The following SUMF2 variants were observed in gnomAD, a reference collection of about 807,000 sequenced individuals.
SUMF2 encodes the protein sulfatase modifying factor 2, also known as inactive C-alpha-formylglycine-generating enzyme 2.
A neutral mutation model predicts 44.8 loss-of-function variants in SUMF2; 45 were observed. The ratio of observed to expected loss-of-function variants is 1.00; its 90% CI spans 0.79 to 1.29. The LOEUF (loss-of-function observed/expected upper bound fraction) is 1.29. Ranked by LOEUF, SUMF2 falls within the 50% of genes most tolerant of loss-of-function variation. The pLI, the probability that SUMF2 is intolerant of heterozygous loss-of-function variation, is 0.00. For missense variants in SUMF2, 418 were observed against 389.9 expected (o/e 1.07, Z -0.61); for synonymous variants, 148 against 150.4 (o/e 0.98, Z 0.12).
intron 6 of SUMF2, among the ~76,000 whole-genome samples, chr7:56,077,133 G>A (rs1471318720): frequency 6.7e-6 from 1 of 148,188 alleles, no homozygotes; most frequent in Non-Finnish European, 1.5e-5. Context: ...TGCAACCTCC[G>A]CCTCCCAGGT....
At chr7:56,073,160 C>A in intron 3 of SUMF2, 49 bp downstream of exon 3, 3 of 1,454,844 alleles carry the variant, frequency 2.1e-6, no homozygotes, top group Non-Finnish European at 2.9e-6. Flanking sequence ...GGGACCTGGA[C>A]AGGGAATCCT....
At chr7:56,081,604 C>T (rs114441596), downstream of SUMF2, 2,013 of 1,610,012 alleles carry the variant, frequency 1.3e-3, 24 homozygotes, top group African/African-American at 0.023. This position sits in a 1 kb window ranked among gnomAD's most constrained non-coding sequence, Gnocchi z 4.6. Context: ...AGGGAGCTGG[C>T]GGGCCTGGAT....
chr7:56,083,083 G>T (rs1195729451), downstream of SUMF2: 2 of 533,210 alleles, frequency 3.8e-6, no homozygotes, highest in Non-Finnish European at 6.6e-6. Flanking sequence ...TCCAGCCTGG[G>T]CGACAGAGTG....
the SUMF2 span, chr7:56,086,760 T>G: frequency 1.8e-6 from 1 of 568,094 alleles, no homozygotes; most frequent in Non-Finnish European, 3.2e-6. Flanking sequence ...AAACCAAGAT[T>G]TAAAGAAATG....
downstream of SUMF2, chr7:56,083,346 T>C (rs775962676): frequency 1.2e-6 from 2 of 1,614,034 alleles, no homozygotes; most frequent in African/African-American, 2.7e-5. Context: ...GTTCATGTTG[T>C]CATCCAAGAG....
At chr7:56,079,424 C>G (rs2117509512) in intron 8 of SUMF2, 104 bp from the exon 9 acceptor site, 1 of 1,174,312 alleles carries the variant, frequency 8.5e-7, no homozygotes, top group East Asian at 2.3e-5. Context: ...AGCCCTCATG[C>G]TCCCTGATCA....
chr7:56,082,307 TC>T, downstream of SUMF2: 1 of 1,434,436 alleles, frequency 7.0e-7, no homozygotes, highest in Non-Finnish European at 9.7e-7. Flanking sequence ...GAAGAGGAAG[TC>T]CAGGCTGGCC....
At chr7:56,083,157 T>A, downstream of SUMF2, 3 of 805,484 alleles carry the variant, frequency 3.7e-6, no homozygotes, top group Non-Finnish European at 5.7e-6. Context: ...GCCCTTGAAA[T>A]GGTGGAATTT....
rs781219463 is a variant in SUMF2 at position 56,074,650 on chromosome 7, A to C, written c.449A>C (p.Asn150Thr). The C allele has an allele frequency of 5.6e-6, 9 of 1,614,188 alleles. No homozygotes were observed. In the South Asian group the frequency reaches 9.9e-5, roughly 18 times the overall value. ...CACCCAGTGTTACACGTGAGCTGGA[A>C]TGACGCCCGTGCCTACTGTGCTTGG... Reference protein sequence around the residue: ...LEHPVLHVSWNDARAYCAWRG... With the variant: ...LEHPVLHVSWTDARAYCAWRG... Residue 150 changes from asparagine (N) to threonine (T), a missense_variant, in exon 5 of 9, where the codon AAT (asparagine) becomes ACT (threonine). Asn to Thr is a moderately conservative substitution (Grantham distance 65, BLOSUM62 0). Coordinates refer to ENST00000434526, the MANE Select transcript of SUMF2 (RefSeq NM_015411.4).
At chr7:56,069,815 C>T (rs1795044667) in intron 2 of SUMF2, among the ~76,000 whole-genome samples, 1 of 152,036 alleles carries the variant, frequency 6.6e-6, no homozygotes, top group African/African-American at 2.4e-5. Context: ...AACTCCTGGG[C>T]TCAAATGATC....
intron 8 of SUMF2, chr7:56,079,263 T>C (rs13244654): frequency 0.52 from 284,494 of 550,614 alleles, 75,179 homozygotes; most frequent in East Asian, 0.67. Flanking sequence ...TTTCTGCTCT[T>C]CAGTGCTGTC....
intron 1 of SUMF2, among the ~76,000 whole-genome samples, chr7:56,065,820 C>T (rs769226712): frequency 6.6e-6 from 1 of 152,044 alleles, no homozygotes; most frequent in Non-Finnish European, 1.5e-5. Flanking sequence ...AGGTGGCTCA[C>T]GCTTGAAATC....
chr7:56,064,542 T>G (rs1794618023), intron 1 of SUMF2, among the ~76,000 whole-genome samples, 164 bp downstream of exon 1: 2 of 151,968 alleles, frequency 1.3e-5, no homozygotes, highest in African/African-American at 4.8e-5. Flanking sequence ...CGCCTTATAC[T>G]TTTCAACTTC....
chr7:56,076,665 C>A, intron 5 of SUMF2, 169 bp from the exon 6 acceptor site: 1 of 575,550 alleles, frequency 1.7e-6, no homozygotes, highest in Non-Finnish European at 3.0e-6. Context: ...CCCTCTAATG[C>A]AGTTCAGCGA....
At chr7:56,078,243 T>A (rs1181608796) in intron 7 of SUMF2, 57 bp downstream of exon 7, 15 of 1,579,120 alleles carry the variant, frequency 9.5e-6, no homozygotes, top group Non-Finnish European at 1.3e-5. Context: ...GGGACCATCA[T>A]GTCTGAGAGA....
chr7:56,074,915 T>G, intron 5 of SUMF2, 179 bp downstream of exon 5: 1 of 678,426 alleles, frequency 1.5e-6, no homozygotes. Flanking sequence ...CTGGGCAATA[T>G]AGGGAGACCC....
the SUMF2 span, chr7:56,087,147 G>A: frequency 1.3e-6 from 1 of 744,822 alleles, no homozygotes; most frequent in South Asian, 1.5e-5. Flanking sequence ...GGGGAATCAG[G>A]AGGGTGCTCA....
chr7:56,078,538 G>A (rs748085481), intron 8 of SUMF2, 30 bp downstream of exon 8: 23 of 1,516,766 alleles, frequency 1.5e-5, no homozygotes, highest in Non-Finnish European at 1.2e-5. Context: ...GCAACACGGG[G>A]CCTTGTAGCT....
intron 1 of SUMF2, among the ~76,000 whole-genome samples, chr7:56,067,770 G>T (rs1794899938): frequency 1.3e-5 from 2 of 151,512 alleles, no homozygotes; most frequent in Non-Finnish European, 2.9e-5. Context: ...GTGCACACTT[G>T]TGGTCCCAGC....
Sources: gnomAD v4.1 joint callset for allele counts (sites outside exome capture counted in the v4.1 genomes callset) on GRCh38, gnomAD v4.1.1 for gene constraint, Gnocchi (gnomAD v3.1) non-coding constraint, MANE v1.5 for transcripts, NCBI Gene and HGNC (gene_info 2026-07-23, HGNC 2026-07-21) for gene names.